Variants in GRK3 observed in about 807,000 individuals in gnomAD.
GRK3 encodes G protein-coupled receptor kinase 3.
A neutral mutation model predicts 95.7 loss-of-function variants in GRK3; 54 were observed. The ratio of observed to expected loss-of-function variants is 0.56; its 90% CI spans 0.45 to 0.71. The LOEUF (loss-of-function observed/expected upper bound fraction) is 0.71, where lower values mean the gene tolerates loss of function less well. GRK3 is among the 30% of genes least tolerant of loss of function. The pLI, the probability that GRK3 is intolerant of heterozygous loss-of-function variation, is 0.00. For synonymous variants in GRK3, 281 were observed against 290.8 expected, an observed-to-expected ratio of 0.97 and a Z score of 0.34; for missense variants, 649 against 851.2, an observed-to-expected ratio of 0.76 and a Z score of 2.96.
At chr22:25,655,605 T>C (rs2084865196) in intron 3 of GRK3, among the ~76,000 whole-genome samples, 1 of 152,162 alleles carries the variant, frequency 6.6e-6, no homozygotes, top group Non-Finnish European at 1.5e-5. Context: ...AGCATTTTCA[T>C]CTGGACCATT....
At chr22:25,632,800 A>T (rs1417846856) in intron 2 of GRK3, among the ~76,000 whole-genome samples, 1 of 152,194 alleles carries the variant, frequency 6.6e-6, no homozygotes, top group African/African-American at 2.4e-5. Flanking sequence ...TCAATTGATT[A>T]TGTATATGTA....
At position 25,728,564 on chromosome 22, in the gene GRK3, C is replaced by T. The variant is rs187638732; in HGVS notation, c.*6114C>T. 4 of 152,300 alleles carry T rather than the reference C, an allele frequency of 2.6e-5. No individual in the cohort carries two copies. The East Asian group carries it at 7.7e-4, about 29-fold the overall frequency. 9.4% of individuals were successfully genotyped at this position (152,300 alleles called of 1,614,324 possible). A position where few individuals can be genotyped will look rare whatever the true frequency, so the allele number is the denominator to read the frequency against. ...TCCTTCCCCTTATTGTGCCAAATCC[C>T]CACCATCAGCCTTGCCATTGCCTTA... On this transcript the variant is annotated 3_prime_UTR_variant, in exon 21 of 21. Transcript: ENST00000324198.
intron 2 of GRK3, among the ~76,000 whole-genome samples, chr22:25,625,492 G>A (rs145422064): frequency 0.01 from 1,581 of 152,256 alleles, 15 homozygotes; most frequent in Admixed American, 0.026. Flanking sequence ...CAGGCGGACC[G>A]TGGTCTAGCG....
intron 2 of GRK3, among the ~76,000 whole-genome samples, chr22:25,620,839 A>G (rs987621554): frequency 6.6e-6 from 1 of 152,242 alleles, no homozygotes; most frequent in Non-Finnish European, 1.5e-5. Context: ...TGTAGTATTG[A>G]GTATACAGAG....
chr22:25,686,811 C>T (rs1468446948), intron 10 of GRK3, among the ~76,000 whole-genome samples: 1 of 152,106 alleles, frequency 6.6e-6, no homozygotes, highest in African/African-American at 2.4e-5. Context: ...AAATATCTGT[C>T]TGTATGATCA....
intron 1 of GRK3, among the ~76,000 whole-genome samples, chr22:25,581,824 A>G (rs1408192323): frequency 6.6e-6 from 1 of 151,992 alleles, no homozygotes; most frequent in African/African-American, 2.4e-5. Flanking sequence ...AAAAAAAGTA[A>G]CCCATGCTCT....
In GRK3 at chr22:25,722,488, C is replaced by A. The variant is rs1254603925; in HGVS notation, c.*38C>A. ...GGGAGGGTCCTCGAGGAGGACACAC[C>A]AGGGTCTCAGCCTTTTGGGGTGAAC... On this transcript the variant is annotated 3_prime_UTR_variant, in exon 21 of 21. Transcript: ENST00000324198. 3 of 1,605,532 alleles carry A rather than the reference C, an allele frequency of 1.9e-6. No homozygotes were observed. Among genetic ancestry groups the A allele is most frequent in the African/African-American group, 2.7e-5 (2 of 74,666 alleles).
chr22:25,705,593 A>T (rs1464719554), intron 15 of GRK3, among the ~76,000 whole-genome samples: 1 of 152,174 alleles, frequency 6.6e-6, no homozygotes, highest in Non-Finnish European at 1.5e-5. Context: ...AGTCATATAT[A>T]TACATATATA....
chr22:25,613,690 C>T (rs143070911), intron 2 of GRK3, among the ~76,000 whole-genome samples: 17,111 of 151,658 alleles, frequency 0.11, 1,226 homozygotes, highest in Non-Finnish European at 0.17. Flanking sequence ...CTGGCAAGTC[C>T]GTCTTCTTTT....
At chr22:25,594,225 A>G (rs2084355973) in intron 1 of GRK3, among the ~76,000 whole-genome samples, 2 of 152,140 alleles carry the variant, frequency 1.3e-5, no homozygotes, top group South Asian at 4.1e-4. Context: ...TGATTCTTCC[A>G]ATCTATGAGC....
chr22:25,623,193 TC>T (rs1465626431), intron 2 of GRK3, among the ~76,000 whole-genome samples: 7 of 152,188 alleles, frequency 4.6e-5, no homozygotes, highest in African/African-American at 1.7e-4. Flanking sequence ...TCTGCCTGCC[TC>T]AGCCTCCCAA....
intron 2 of GRK3, among the ~76,000 whole-genome samples, chr22:25,605,613 G>A (rs373223380): frequency 6.6e-6 from 1 of 152,220 alleles, no homozygotes; most frequent in Admixed American, 6.5e-5. Flanking sequence ...TCCACACATT[G>A]AAAGTAAACA....
intron 2 of GRK3, among the ~76,000 whole-genome samples, chr22:25,610,638 C>T (rs1375234859): frequency 6.6e-6 from 1 of 152,192 alleles, no homozygotes; most frequent in African/African-American, 2.4e-5. Flanking sequence ...TTACTCTGCT[C>T]CCATCCTCAG....
rs148223190 is a variant in GRK3 at position 25,712,425 on chromosome 22, G to A, written c.1491+1262G>A. On this transcript the variant is annotated intron_variant, in intron 17 of 20. Transcript: ENST00000324198. ...TTTGGGGAACAATCCATTTACAAAGGTATTTAAAAAATTTACTGCTGTCAC... is the reference window on the plus strand; with the variant it reads ...TTTGGGGAACAATCCATTTACAAAGATATTTAAAAAATTTACTGCTGTCAC... Among the ~76,000 whole-genome samples, 1,301 of 152,330 alleles carry A rather than the reference G, an allele frequency of 8.5e-3. 11 individuals carry two copies. The highest frequency in any genetic ancestry group is 0.012 in the Non-Finnish European group (821 of 68,038).
chr22:25,688,018 C>T (rs997127134), intron 11 of GRK3, among the ~76,000 whole-genome samples: 34 of 152,288 alleles, frequency 2.2e-4, no homozygotes, highest in South Asian at 6.2e-4. Flanking sequence ...GGGCGGATCA[C>T]AAGGTCAGGA....
At chr22:25,707,839 G>GAGT (rs1262857088) in intron 15 of GRK3, among the ~76,000 whole-genome samples, 2 of 152,154 alleles carry the variant, frequency 1.3e-5, no homozygotes, top group Admixed American at 6.5e-5. Flanking sequence ...GGAGACATTA[G>GAGT]AGTAGTTCAG....
At position 25,564,914 on chromosome 22, in the gene GRK3, G is replaced by GC. The variant is rs1931387604; in HGVS notation, c.-127_-126insC. On this transcript the variant is annotated 5_prime_UTR_variant, in exon 1 of 21. Coordinates refer to ENST00000324198, the MANE Select transcript of GRK3 (RefSeq NM_005160.4). The stretch of plus-strand genomic sequence containing the variant: ...GCGCGCGGCGCGCGCGCGGGGCGGG[G>GC]GCGCGCGGAGGGGGGGGCTGCCCCG... 1 of 146,726 alleles carries GC rather than the reference G, an allele frequency of 6.8e-6. No individual in the cohort carries two copies. Among genetic ancestry groups the GC allele is most frequent in the Admixed American group, 6.9e-5 (1 of 14,506 alleles). 9.1% of individuals were successfully genotyped at this position (146,726 alleles called of 1,614,324 possible).
chr22:25,606,892 G>A (rs981096973), intron 2 of GRK3, among the ~76,000 whole-genome samples: 1 of 152,194 alleles, frequency 6.6e-6, no homozygotes, highest in African/African-American at 2.4e-5. Flanking sequence ...TATAAAAGTA[G>A]GGATAATAAT....
intron 2 of GRK3, among the ~76,000 whole-genome samples, chr22:25,622,711 A>C (rs547298476): frequency 6.6e-6 from 1 of 152,222 alleles, no homozygotes; most frequent in Non-Finnish European, 1.5e-5. Flanking sequence ...GCATGGAAAC[A>C]GGAAGAAGAA....
Sources: gnomAD v4.1 joint callset for allele counts (sites outside exome capture counted in the v4.1 genomes callset) on GRCh38, gnomAD v4.1.1 for gene constraint, MANE v1.5 for transcripts, NCBI Gene and HGNC (gene_info 2026-07-23, HGNC 2026-07-21) for gene names.